The following MYO16 variants were observed in gnomAD, a reference collection of about 807,000 sequenced individuals.
MYO16 encodes myosin XVI, also known as unconventional myosin-XVI.
MYO16 carries 94 observed loss-of-function variants against 205.3 expected under a neutral mutation model. The observed-to-expected ratio is 0.46, with a 90% CI of 0.39 to 0.54. The LOEUF is 0.54. Among genes scored for constraint, MYO16 ranks in the 20% least tolerant of loss-of-function variants. MYO16 has a pLI of 0.00. For synonymous variants in MYO16, 988 were observed against 954.0 expected (o/e 1.04, Z -0.66); for missense variants, 2,315 against 2,387.5 (o/e 0.97, Z 0.63).
At chr13:108,917,406 G>A (rs72654019) in intron 16 of MYO16, among the ~76,000 whole-genome samples, 1,677 of 152,338 alleles carry the variant, frequency 0.011, 19 homozygotes, top group South Asian at 0.026. Context: ...CCCCTGCATG[G>A]CACTCCAACT....
At chr13:109,102,920 A>C (rs1889016455) in intron 28 of MYO16, among the ~76,000 whole-genome samples, 1 of 152,276 alleles carries the variant, frequency 6.6e-6, no homozygotes, top group East Asian at 1.9e-4. Context: ...TGAAAACACA[A>C]GACAAAAAAA....
chr13:108,526,357 A>T, the MYO16 span, among the ~76,000 whole-genome samples: 1 of 152,212 alleles, frequency 6.6e-6, no homozygotes, highest in African/African-American at 2.4e-5. Context: ...ATGCCTTAAG[A>T]GAAGAAAACT....
At chr13:108,582,218 G>A in the MYO16 span, among the ~76,000 whole-genome samples, 1 of 152,060 alleles carries the variant, frequency 6.6e-6, no homozygotes, top group South Asian at 2.1e-4. Flanking sequence ...ACTGTTTCAG[G>A]TTTGCAGAGG....
chr13:108,963,943 T>G (rs974932957), intron 19 of MYO16, among the ~76,000 whole-genome samples: 9 of 152,204 alleles, frequency 5.9e-5, no homozygotes, highest in African/African-American at 2.2e-4. Context: ...CTCGATGGCC[T>G]TGAACTTGCA....
chr13:108,749,617 A>G (rs969249311), intron 4 of MYO16, among the ~76,000 whole-genome samples: 9 of 152,216 alleles, frequency 5.9e-5, no homozygotes, highest in Non-Finnish European at 1.3e-4. Flanking sequence ...AGGCCAAACC[A>G]AACCTAGTGA....
At chr13:108,818,554 A>G (rs562136113) in intron 7 of MYO16, among the ~76,000 whole-genome samples, 30 of 152,304 alleles carry the variant, frequency 2.0e-4, no homozygotes, top group Admixed American at 1.6e-3. Context: ...AAGCAAAAAT[A>G]CCATAGAAAA....
chr13:108,886,154 A>AT (rs1487824171), intron 13 of MYO16, among the ~76,000 whole-genome samples: 2 of 151,712 alleles, frequency 1.3e-5, no homozygotes, highest in Admixed American at 6.6e-5. Context: ...CGCCCGGCTA[A>AT]TTTTTTGTAT....
At chr13:108,710,377 C>T (rs1325056493) in intron 2 of MYO16, among the ~76,000 whole-genome samples, 3 of 152,210 alleles carry the variant, frequency 2.0e-5, no homozygotes, top group African/African-American at 7.2e-5. Flanking sequence ...ACTCATCCTC[C>T]AGGTTAATAT....
chr13:108,824,500 A>G (rs2139024586), intron 9 of MYO16, among the ~76,000 whole-genome samples: 1 of 152,206 alleles, frequency 6.6e-6, no homozygotes, highest in Admixed American at 6.6e-5. Flanking sequence ...GCTTTGCCTT[A>G]TGGCTAATAT....
intron 5 of MYO16, among the ~76,000 whole-genome samples, chr13:108,790,261 G>C (rs115244824): frequency 6.6e-6 from 1 of 152,144 alleles, no homozygotes; most frequent in South Asian, 2.1e-4. Context: ...TAAGAGGGAC[G>C]GTTAAGGGAA....
intron 14 of MYO16, among the ~76,000 whole-genome samples, chr13:108,890,787 C>G (rs760920603): frequency 6.6e-6 from 1 of 152,168 alleles, no homozygotes; most frequent in Non-Finnish European, 1.5e-5. Flanking sequence ...ACATCAAGTC[C>G]AATAAATCAG....
intron 2 of MYO16, among the ~76,000 whole-genome samples, chr13:108,689,300 A>C (rs920943676): frequency 6.6e-6 from 1 of 152,118 alleles, no homozygotes; most frequent in African/African-American, 2.4e-5. Flanking sequence ...ACCTTCAAAA[A>C]TGCATTGTGG....
chr13:108,618,732 C>T (rs1879435674), intron 1 of MYO16, among the ~76,000 whole-genome samples: 1 of 152,168 alleles, frequency 6.6e-6, no homozygotes, highest in African/African-American at 2.4e-5. Context: ...TGAACCAATG[C>T]TTCTGAGTTA....
intron 34 of MYO16, among the ~76,000 whole-genome samples, chr13:109,195,640 C>T (rs1438540595): frequency 6.6e-6 from 1 of 152,182 alleles, no homozygotes; most frequent in Non-Finnish European, 1.5e-5. Context: ...TCAGCCAAGA[C>T]ATTTCCTTCT....
chr13:108,822,458 T>G lies in MYO16; in HGVS notation c.944-667T>G, dbSNP rs1046400617. On this transcript the variant is annotated intron_variant, in intron 8 of 34. Coordinates refer to ENST00000457511, the MANE Select transcript of MYO16 (RefSeq NM_001198950.3). ...CCAGTAGGTTCTTAATTGATATGAA[T>G]GTTGATTTTTTCCTCATGATCTGTA... is the stretch of plus-strand genomic sequence containing the variant. Among the ~76,000 whole-genome samples, 3 of 152,160 alleles carry G rather than the reference T, an allele frequency of 2.0e-5. No individual in the cohort carries two copies. The East Asian group carries it at 5.8e-4, about 29-fold the overall frequency.
chr13:108,771,345 C>A (rs187395686), intron 4 of MYO16, among the ~76,000 whole-genome samples: 5 of 152,186 alleles, frequency 3.3e-5, no homozygotes, highest in Admixed American at 1.3e-4. Context: ...TTTATTTAGA[C>A]TTTTTTTAGA....
intron 4 of MYO16, among the ~76,000 whole-genome samples, chr13:108,762,473 G>A (rs998230457): frequency 6.6e-6 from 1 of 152,156 alleles, no homozygotes; most frequent in Non-Finnish European, 1.5e-5. Context: ...AAGGTGTAAA[G>A]TTCCCTTATC....
chr13:108,882,766 A>AT (rs1879680565), intron 12 of MYO16, among the ~76,000 whole-genome samples: 1 of 152,216 alleles, frequency 6.6e-6, no homozygotes, highest in South Asian at 2.1e-4. Flanking sequence ...TACTGCACAG[A>AT]TATCTATTAA....
At chr13:108,503,350 G>A in the MYO16 span, among the ~76,000 whole-genome samples, 3 of 152,058 alleles carry the variant, frequency 2.0e-5, no homozygotes, top group African/African-American at 4.8e-5. Context: ...GCCGGGAGCC[G>A]ACGATATATA....
Sources: allele counts gnomAD v4.1 joint callset (sites outside exome capture counted in the v4.1 genomes callset), GRCh38; gene constraint gnomAD v4.1.1; transcripts MANE v1.5; gene names NCBI Gene and HGNC (gene_info 2026-07-23, HGNC 2026-07-21).